MAGEB10: variants seen among roughly 807,000 people sequenced by gnomAD.
The protein encoded by MAGEB10 is melanoma-associated antigen B10.
For missense variants in MAGEB10, 190 were observed against 261.9 expected (o/e 0.73, Z 1.89); for synonymous variants, 99 against 101.0 (o/e 0.98, Z 0.12).
Position 27,822,454 on chromosome X carries a change from GTTAA to G in MAGEB10, c.*106_*109del. ...ACAACACAGTGAATAATATGTTTGT[GTTAA>G]TGTTCTATGTGATGGCTTGGAATTT... On this transcript the variant is annotated 3_prime_UTR_variant, in exon 3 of 3. Coordinates refer to ENST00000356790, the MANE Select transcript of MAGEB10 (RefSeq NM_182506.3). The G allele has an allele frequency of 1.2e-6, 1 of 801,104 alleles. No individual in the cohort carries two copies. The highest frequency in any genetic ancestry group is 1.7e-6 in the Non-Finnish European group (1 of 574,003). The allele number at this position is 801,104 out of a possible 1,213,427, so 66.0% of individuals were successfully genotyped here.
intron 2 of MAGEB10, among the ~76,000 whole-genome samples, chrX:27,820,661 A>G (rs951098199): frequency 1.8e-5 from 2 of 111,105 alleles, no homozygotes; most frequent in Non-Finnish European, 3.8e-5. Context: ...TAACTCAGAG[A>G]TGTGAGGGCC....
At chrX:27,810,762 G>A (rs965041414) in intron 1 of MAGEB10, among the ~76,000 whole-genome samples, 2 of 95,768 alleles carry the variant, frequency 2.1e-5, no homozygotes, top group African/African-American at 7.8e-5. Context: ...TATGAGCCTT[G>A]GTAGCCTTTC....
intron 1 of MAGEB10, chrX:27,811,890 C>A: frequency 7.0e-6 from 1 of 141,911 alleles, no homozygotes; most frequent in Non-Finnish European, 1.6e-5. Context: ...CATAATGCCT[C>A]GGGGTCAGAA....
chrX:27,812,139 G>A (rs1467636431), intron 1 of MAGEB10: 1 of 116,165 alleles, frequency 8.6e-6, no homozygotes, highest in East Asian at 2.7e-4. Context: ...TGAAGGCATC[G>A]ACAGCCAAGT....
At position 27,821,567 on chromosome X, in the gene MAGEB10, C is replaced by A. The variant is rs370764618; in HGVS notation, c.261C>A (p.Asn87Lys). 1.7e-6 allele frequency: 2 copies of A among 1,208,064 alleles called. No homozygotes were observed. The highest frequency in any genetic ancestry group is 2.2e-6 in the Non-Finnish European group (2 of 894,358). ...ASHTRHPEGV[N>K]DQMEERPICT... ...ACACAAGACATCCCGAAGGAGTCAA[C>A]GACCAAATGGAAGAAAGGCCAATAT... The change falls in exon 3 of 3, where the codon AAC becomes AAA. Residue 87 changes from asparagine to lysine, a missense_variant. Physicochemically the swap from Asn to Lys is moderately conservative, Grantham distance 94. Transcript: ENST00000356790.
intron 1 of MAGEB10, among the ~76,000 whole-genome samples, chrX:27,817,326 A>C (rs191705125): frequency 9.1e-6 from 1 of 110,247 alleles, no homozygotes; most frequent in African/African-American, 3.3e-5. Flanking sequence ...TTGTTGCCAA[A>C]AATTCTAATA....
intron 1 of MAGEB10, among the ~76,000 whole-genome samples, 178 bp from the exon 2 acceptor site, chrX:27,817,376 A>G (rs1923800732): frequency 9.0e-6 from 1 of 110,597 alleles, no homozygotes; most frequent in South Asian, 3.8e-4. Flanking sequence ...ATGTCCCTCC[A>G]AAATTCAATA....
Position 27,822,586 on chromosome X carries a change from G to A in MAGEB10, c.*236G>A, listed in dbSNP as rs967540535. On this transcript the variant is annotated 3_prime_UTR_variant, in exon 3 of 3. Transcript: ENST00000356790. ...TCTGTATGTGAGATTAAGAGTAAGC[G>A]ATTTATTGCTTTATAAGTCTAATTG... is the stretch of plus-strand genomic sequence containing the variant. 4 of 364,865 alleles carry A rather than the reference G, an allele frequency of 1.1e-5. No individual in the cohort carries two copies. The highest frequency in any genetic ancestry group is 5.2e-5 in the African/African-American group (2 of 38,624). 30.1% of individuals were successfully genotyped at this position (364,865 alleles called of 1,213,427 possible).
chrX:27,810,288 C>A (rs1342960216), intron 1 of MAGEB10, among the ~76,000 whole-genome samples: 2 of 111,810 alleles, frequency 1.8e-5, no homozygotes, highest in African/African-American at 3.3e-5. Context: ...GCCAGTGAGA[C>A]CACGAACCCA....
intron 1 of MAGEB10, among the ~76,000 whole-genome samples, chrX:27,811,329 A>T (rs1215777011): frequency 9.0e-6 from 1 of 110,781 alleles, no homozygotes; most frequent in East Asian, 2.9e-4. Context: ...GAGGACTGAA[A>T]ACTAATTACC....
At chrX:27,818,265 T>C (rs759331191) in intron 2 of MAGEB10, among the ~76,000 whole-genome samples, 4 of 111,084 alleles carry the variant, frequency 3.6e-5, no homozygotes, top group Non-Finnish European at 7.6e-5. Flanking sequence ...GGGCACCCTT[T>C]CCAGTGTAGC....
intron 1 of MAGEB10, among the ~76,000 whole-genome samples, chrX:27,809,064 G>A (rs892888579): frequency 9.8e-5 from 11 of 112,670 alleles, no homozygotes; most frequent in East Asian, 5.7e-4. Flanking sequence ...TCAGCCCACC[G>A]CTGCACTGTG....
intron 1 of MAGEB10, among the ~76,000 whole-genome samples, chrX:27,809,999 G>C (rs943839440): frequency 1.8e-5 from 2 of 110,414 alleles, no homozygotes; most frequent in African/African-American, 3.3e-5. Context: ...TTTGTGTCTA[G>C]CTCAGGGATT....
chrX:27,817,250 AACT>A (rs1234630873), intron 1 of MAGEB10, among the ~76,000 whole-genome samples: 1 of 110,076 alleles, frequency 9.1e-6, no homozygotes, highest in Non-Finnish European at 1.9e-5. Context: ...TACAATACAC[AACT>A]ACTAATTCCA....
rs1403934272 is a variant in MAGEB10, at chrX:27,822,331, A to G, written c.1025A>G (p.Lys342Arg). 1 of 1,205,708 alleles carries G rather than the reference A, an allele frequency of 8.3e-7. No homozygotes were observed. Residue 342 changes from lysine to arginine, a missense_variant, in exon 3 of 3, where the codon AAG becomes AGG. By Grantham distance (26) the Lys-to-Arg change is conservative. Coordinates refer to ENST00000356790, the MANE Select transcript of MAGEB10 (RefSeq NM_182506.3). ...AGARSKVKSS[K>R]SSQLQ ...GCACGTTCCAAGGTTAAGTCCAGCA[A>G]GTCCTCCCAACTGCAGTAAAGTCTG...
rs11796582 is a variant in MAGEB10, at chrX:27,820,486, G to A, written c.-49-772G>A. On this transcript the variant is annotated intron_variant, in intron 2 of 2. Transcript: ENST00000356790. ...AGAGTGTCAGCCTCTGGTCAGCAGA[G>A]AAGGAGTCCCAAGCCCTAAGAAGAG... 7.8e-3 allele frequency among the ~76,000 whole-genome samples: 866 copies of A among 110,638 alleles called. 7 individuals carry two copies. The highest frequency in any genetic ancestry group is 0.012 in the Non-Finnish European group (625 of 52,853).
At chrX:27,812,660 T>C in intron 1 of MAGEB10, 2 of 325,268 alleles carry the variant, frequency 6.1e-6, no homozygotes, top group Non-Finnish European at 1.2e-5. Context: ...ACCTGGAGTA[T>C]TGGGAAGTGC....
chrX:27,818,545 T>C (rs6628313), intron 2 of MAGEB10, among the ~76,000 whole-genome samples: 4 of 112,064 alleles, frequency 3.6e-5, no homozygotes, highest in African/African-American at 1.3e-4. Context: ...GCATATGCCT[T>C]TAAACAAGGA....
chrX:27,821,215 C>G lies in MAGEB10; in HGVS notation c.-49-43C>G, dbSNP rs186059311. On this transcript the variant is annotated intron_variant, in intron 2 of 2. Coordinates refer to ENST00000356790, the MANE Select transcript of MAGEB10 (RefSeq NM_182506.3). ...CGTCAATAAAGCTAAAGTTGTATCT[C>G]TCTGCTGAATGGGCACACCCCATTT... 127 of 781,519 alleles carry G rather than the reference C, an allele frequency of 1.6e-4. No individual in the cohort carries two copies. The African/African-American group carries it at 2.5e-3, about 15-fold the overall frequency. The allele number at this position is 781,519 out of a possible 1,213,427, so 64.4% of individuals were successfully genotyped here.
Sources: gnomAD v4.1 joint callset for allele counts (sites outside exome capture counted in the v4.1 genomes callset) on GRCh38, gnomAD v4.1.1 for gene constraint, MANE v1.5 for transcripts, NCBI Gene and HGNC (gene_info 2026-07-23, HGNC 2026-07-21) for gene names.